EXOC6B: variants seen among roughly 807,000 people sequenced by gnomAD.
The protein encoded by EXOC6B is SEC15 homolog B.
EXOC6B carries 54 observed loss-of-function variants against 113.5 expected under a neutral mutation model. That is an observed-to-expected ratio of 0.48 (90% CI 0.38 to 0.60). The LOEUF (loss-of-function observed/expected upper bound fraction) is 0.60, where lower values mean the gene tolerates loss of function less well. Ranked by LOEUF, EXOC6B falls within the 20% of genes least tolerant of loss-of-function variation. The pLI is 0.00. For synonymous variants in EXOC6B, 357 were observed against 339.0 expected, an observed-to-expected ratio of 1.05 and a Z score of -0.58; for missense variants, 797 against 977.5, an observed-to-expected ratio of 0.82 and a Z score of 2.46.
chr2:72,691,196 A>G (rs1488984162), intron 6 of EXOC6B, among the ~76,000 whole-genome samples: 2 of 152,208 alleles, frequency 1.3e-5, no homozygotes, highest in Non-Finnish European at 2.9e-5. Flanking sequence ...GAGTTATGCT[A>G]TCACAAATCA....
intron 20 of EXOC6B, among the ~76,000 whole-genome samples, chr2:72,248,192 T>C (rs1682787212): frequency 6.6e-6 from 1 of 152,236 alleles, no homozygotes; most frequent in South Asian, 2.1e-4. Context: ...TATCATTTTT[T>C]CATTATTAAA....
chr2:72,530,714 C>T (rs12052508), intron 8 of EXOC6B, among the ~76,000 whole-genome samples: 126,014 of 152,074 alleles, frequency 0.83, 53,210 homozygotes, highest in East Asian at 0.99. Flanking sequence ...TTACCCTTTC[C>T]GTTTTATTAG....
chr2:72,515,017 G>C, intron 9 of EXOC6B, 26 bp downstream of exon 9: 4 of 1,572,146 alleles, frequency 2.5e-6, no homozygotes, highest in Non-Finnish European at 3.5e-6. Context: ...GTAAAAATGT[G>C]AGAAAAGTGA....
At chr2:72,551,593 C>A (rs1184829483) in intron 8 of EXOC6B, among the ~76,000 whole-genome samples, 6 of 149,818 alleles carry the variant, frequency 4.0e-5, no homozygotes, top group Middle Eastern at 3.6e-3. Context: ...CAAGCTCCGC[C>A]TCCCGGGTTC....
intron 1 of EXOC6B, among the ~76,000 whole-genome samples, chr2:72,791,996 T>C (rs1684695693): frequency 6.6e-6 from 1 of 152,172 alleles, no homozygotes; most frequent in South Asian, 2.1e-4. Flanking sequence ...CCTAGATGCC[T>C]GGAATAAAAT....
chr2:72,180,081 G>A (rs966778801), intron 21 of EXOC6B, among the ~76,000 whole-genome samples: 2 of 152,224 alleles, frequency 1.3e-5, no homozygotes. Flanking sequence ...GGCTAAGAGA[G>A]TAGAGTGCTG....
At chr2:72,658,289 A>AAAAAAAAAAAAAAAAAAAAG (rs1674754404) in intron 6 of EXOC6B, among the ~76,000 whole-genome samples, 8 of 3,752 alleles carry the variant, frequency 2.1e-3, no homozygotes, top group Admixed American at 4.0e-3. Flanking sequence ...AAACTAGTAA[A>AAAAAAAAAAAAAAAAAAAAG]AAAAAAAAAA....
At chr2:72,432,829 A>G (rs1409342907) in intron 18 of EXOC6B, among the ~76,000 whole-genome samples, 2 of 152,096 alleles carry the variant, frequency 1.3e-5, no homozygotes, top group African/African-American at 4.8e-5. Flanking sequence ...AGACGGATAA[A>G]TTGCAAAAAT....
intron 18 of EXOC6B, among the ~76,000 whole-genome samples, chr2:72,443,663 G>A (rs949928142): frequency 2.6e-5 from 4 of 152,264 alleles, no homozygotes; most frequent in East Asian, 1.9e-4. Flanking sequence ...GGCAGAAGGC[G>A]AAAGGCATGT....
At chr2:72,357,507 A>G (rs1296514805) in intron 19 of EXOC6B, among the ~76,000 whole-genome samples, 1 of 152,094 alleles carries the variant, frequency 6.6e-6, no homozygotes, top group Non-Finnish European at 1.5e-5. Context: ...CCTGGCCAAC[A>G]TGGTGAAACC....
intron 19 of EXOC6B, among the ~76,000 whole-genome samples, chr2:72,352,231 C>G (rs532760947): frequency 2.0e-5 from 3 of 152,248 alleles, no homozygotes; most frequent in African/African-American, 7.2e-5. Context: ...TCCAAATGTA[C>G]ATTATCCCAC....
At chr2:72,778,263 G>A (rs1236255839) in intron 1 of EXOC6B, among the ~76,000 whole-genome samples, 4 of 152,088 alleles carry the variant, frequency 2.6e-5, no homozygotes, top group Admixed American at 6.5e-5. Flanking sequence ...TAGATCCCAA[G>A]ATAGAAATAG....
chr2:72,573,634 T>TA (rs952604456), intron 7 of EXOC6B, among the ~76,000 whole-genome samples: 3 of 152,224 alleles, frequency 2.0e-5, no homozygotes, highest in Admixed American at 6.5e-5. Context: ...TAAGAGCTAT[T>TA]AAGAGTTCTT....
chr2:72,620,879 C>A (rs756924755), intron 6 of EXOC6B, among the ~76,000 whole-genome samples: 1 of 151,728 alleles, frequency 6.6e-6, no homozygotes, highest in Non-Finnish European at 1.5e-5. Flanking sequence ...GAAATATAAG[C>A]AACCAACAAA....
chr2:72,320,839 T>C (rs1366327176), intron 20 of EXOC6B, among the ~76,000 whole-genome samples: 1 of 152,140 alleles, frequency 6.6e-6, no homozygotes, highest in Non-Finnish European at 1.5e-5. Context: ...ATAATAAGAA[T>C]TATTTTTAAA....
intron 20 of EXOC6B, among the ~76,000 whole-genome samples, chr2:72,311,043 C>T (rs2104790881): frequency 6.6e-6 from 1 of 152,320 alleles, no homozygotes; most frequent in African/African-American, 2.4e-5. Flanking sequence ...TTCCTCTCTT[C>T]TATACTGCAT....
chr2:72,788,746 C>T (rs1432795410), intron 1 of EXOC6B, among the ~76,000 whole-genome samples: 3 of 152,152 alleles, frequency 2.0e-5, no homozygotes, highest in South Asian at 2.1e-4. Context: ...TGCAAGTGTG[C>T]GGTAATCGCA....
chr2:72,693,289 T>C (rs997147796), intron 6 of EXOC6B, among the ~76,000 whole-genome samples: 1 of 139,498 alleles, frequency 7.2e-6, no homozygotes, highest in Non-Finnish European at 1.5e-5. Context: ...GTTTGCAGGT[T>C]TTTTTTTTTT....
intron 11 of EXOC6B, among the ~76,000 whole-genome samples, chr2:72,502,251 T>C (rs774587339): frequency 4.3e-4 from 66 of 152,222 alleles, no homozygotes; most frequent in Non-Finnish European, 8.1e-4. Flanking sequence ...TTCTAGAAGA[T>C]AGGATGGGTA....
Sources: allele counts gnomAD v4.1 joint callset (sites outside exome capture counted in the v4.1 genomes callset), GRCh38; gene constraint gnomAD v4.1.1; transcripts MANE v1.5; gene names NCBI Gene and HGNC (gene_info 2026-07-23, HGNC 2026-07-21).